The following EVI5 variants were observed in gnomAD, a reference collection of about 807,000 sequenced individuals.
EVI5 encodes the protein ecotropic viral integration site 5 protein homolog.
Under a neutral mutation model 112.0 loss-of-function variants are expected in EVI5, and 73 were observed. The observed-to-expected ratio is 0.65, with a 90% confidence interval of 0.54 to 0.79. The LOEUF (loss-of-function observed/expected upper bound fraction) is 0.79. EVI5 is among the 30% of genes least tolerant of loss of function. The pLI, the probability that EVI5 is intolerant of heterozygous loss-of-function variation, is 0.00. For missense variants in EVI5, 900 were observed against 968.8 expected (o/e 0.93, Z 0.94); for synonymous variants, 305 against 319.9 (o/e 0.95, Z 0.50).
intron 1 of EVI5, among the ~76,000 whole-genome samples, chr1:92,770,636 A>C (rs2103038495): frequency 6.6e-6 from 1 of 151,902 alleles, no homozygotes; most frequent in East Asian, 2.0e-4. Flanking sequence ...TAAAAATACC[A>C]AAAATTAGCC....
At chr1:92,720,587 A>G (rs868501227) in intron 2 of EVI5, among the ~76,000 whole-genome samples, 10 of 152,214 alleles carry the variant, frequency 6.6e-5, no homozygotes, top group South Asian at 2.1e-4. Flanking sequence ...AGAAAACCTA[A>G]GCAATACCAT....
chr1:92,781,927 C>G (rs1254784159), intron 1 of EVI5, among the ~76,000 whole-genome samples: 2 of 125,014 alleles, frequency 1.6e-5, no homozygotes, highest in Non-Finnish European at 3.1e-5. Context: ...TGCACTCCAA[C>G]CTGGGCAACA....
intron 9 of EVI5, among the ~76,000 whole-genome samples, chr1:92,688,907 T>C (rs933537738): frequency 2.6e-5 from 4 of 152,176 alleles, no homozygotes; most frequent in Non-Finnish European, 5.9e-5. Context: ...TTATTATATA[T>C]TCCAAAACTG....
chr1:92,594,360 C>T (rs1014807286), intron 18 of EVI5, among the ~76,000 whole-genome samples: 1 of 151,656 alleles, frequency 6.6e-6, no homozygotes, highest in Non-Finnish European at 1.5e-5. Flanking sequence ...ACTGGCTAGC[C>T]ATATGTAGAA....
In EVI5 at chr1:92,733,572, AT is replaced by A. The variant is rs952814250; in HGVS notation, c.149+2825del. ...AGGCACGCGCCACCACACCCAGCTA[AT>A]TTTTTTTTTTTTAATTTTAGTAAAG... On this transcript the variant is annotated intron_variant, in intron 2 of 19. Coordinates refer to ENST00000684568, the MANE Select transcript of EVI5 (RefSeq NM_001350197.2). 2.8e-3 allele frequency among the ~76,000 whole-genome samples: 403 copies of A among 145,422 alleles called. 1 individual carries two copies. Among genetic ancestry groups the A allele is most frequent in the South Asian group, 0.019 (85 of 4,570 alleles).
intron 1 of EVI5, among the ~76,000 whole-genome samples, chr1:92,781,541 A>G (rs890344582): frequency 6.6e-6 from 1 of 152,142 alleles, no homozygotes. Context: ...AAATTGCTAT[A>G]AGACAACACA....
intron 18 of EVI5, among the ~76,000 whole-genome samples, chr1:92,599,991 T>C (rs1040571487): frequency 6.6e-6 from 1 of 152,146 alleles, no homozygotes; most frequent in African/African-American, 2.4e-5. Flanking sequence ...GAGCTGAAGC[T>C]GGAGAAAAGG....
intron 1 of EVI5, among the ~76,000 whole-genome samples, chr1:92,757,707 G>C (rs1490731492): frequency 6.6e-6 from 1 of 151,684 alleles, no homozygotes; most frequent in Non-Finnish European, 1.5e-5. Context: ...TTTGAGACCA[G>C]CCTGGCCAAC....
At chr1:92,613,943 T>C (rs949762407) in intron 16 of EVI5, among the ~76,000 whole-genome samples, 2 of 152,202 alleles carry the variant, frequency 1.3e-5, no homozygotes, top group Non-Finnish European at 2.9e-5. Context: ...CCTCCAACTC[T>C]TCTGTAATAA....
At chr1:92,556,150 G>A (rs1485047656) in intron 19 of EVI5, among the ~76,000 whole-genome samples, 3 of 148,292 alleles carry the variant, frequency 2.0e-5, no homozygotes, top group South Asian at 2.1e-4. Context: ...TGCAACCTCC[G>A]CCTCCTGGGT....
chr1:92,706,393 C>T (rs1217391005), intron 2 of EVI5, among the ~76,000 whole-genome samples: 1 of 152,038 alleles, frequency 6.6e-6, no homozygotes, highest in Non-Finnish European at 1.5e-5. Context: ...ATTGTAAATG[C>T]AATAAAGAAA....
In EVI5 at chr1:92,587,371, C is replaced by T. The variant is rs186736284; in HGVS notation, c.2070+17936G>A. Among the ~76,000 whole-genome samples the T allele has an allele frequency of 1.5e-4, 19 of 122,948 alleles. No homozygotes were observed. The East Asian group carries it at 4.0e-3, about 26-fold the overall frequency. The allele number at this position is 122,948 out of a possible 152,430, so 80.7% of individuals were successfully genotyped here. A position where few individuals can be genotyped will look rare whatever the true frequency, so the allele number is the denominator to read the frequency against. ...AATTGCTCAAAACGAAAGCCATAAA[C>T]GATTGTGCTTCAGGGGCAAAAAAAA... On this transcript the variant is annotated intron_variant, in intron 18 of 19. Coordinates refer to ENST00000684568, the MANE Select transcript of EVI5 (RefSeq NM_001350197.2).
Position 92,624,197 on chromosome 1 carries a change from C to T in EVI5, c.1806G>A (p.Arg602=), listed in dbSNP as rs1655154258. ...TQAEIREIKQ[R]MMEMETQNQI... ...ATACCTGTGTTTCCATTTCCATCATCCTTTGTTTTATTTCTCTTATTTCTG... is the reference window on the plus strand; with the variant it reads ...ATACCTGTGTTTCCATTTCCATCATTCTTTGTTTTATTTCTCTTATTTCTG... Residue 602 remains arginine (R), a synonymous_variant, in exon 16 of 20, where the codon AGG becomes AGA. Coordinates refer to ENST00000684568, the MANE Select transcript of EVI5 (RefSeq NM_001350197.2). 1 of 1,613,620 alleles carries T rather than the reference C, an allele frequency of 6.2e-7. No individual in the cohort carries two copies. The highest frequency in any genetic ancestry group is 1.3e-5 in the African/African-American group (1 of 74,894).
chr1:92,599,468 TC>T (rs968544522), intron 18 of EVI5, among the ~76,000 whole-genome samples: 9 of 152,038 alleles, frequency 5.9e-5, no homozygotes, highest in African/African-American at 2.2e-4. Flanking sequence ...GAAAAAAGTT[TC>T]AGGTTTTAAT....
intron 2 of EVI5, among the ~76,000 whole-genome samples, chr1:92,729,356 T>C (rs929154209): frequency 6.6e-6 from 1 of 152,194 alleles, no homozygotes; most frequent in African/African-American, 2.4e-5. Flanking sequence ...CCTGGGTGTC[T>C]TGGAAAGTAT....
chr1:92,780,554 C>T (rs922993510), intron 1 of EVI5, among the ~76,000 whole-genome samples: 1 of 152,072 alleles, frequency 6.6e-6, no homozygotes, highest in Non-Finnish European at 1.5e-5. Context: ...GACAAATATA[C>T]AAATAGAACA....
chr1:92,714,211 G>A (rs1435719843), intron 2 of EVI5: 29 of 795,826 alleles, frequency 3.6e-5, no homozygotes, highest in Admixed American at 2.5e-4. Context: ...AGTAATAGCC[G>A]CAGTAAAACT....
intron 1 of EVI5, among the ~76,000 whole-genome samples, chr1:92,761,217 C>A (rs1192028631): frequency 6.6e-6 from 1 of 151,958 alleles, no homozygotes; most frequent in Non-Finnish European, 1.5e-5. Context: ...AAACCATACA[C>A]TAGGGGAAAT....
rs1659343768 is a variant in EVI5, at chr1:92,513,513, ATATATATATATATATATATAT to A, written c.*122_*142del. ...AAAAAGGCAGATAAGACTGTAAAATATATATATATATATATATATATATATATATATATATATATATATATA... is the reference window on the plus strand; with the variant it reads ...AAAAAGGCAGATAAGACTGTAAAATAATATATATATATATATATATATATA... On this transcript the variant is annotated 3_prime_UTR_variant, in exon 20 of 20. Coordinates refer to ENST00000684568, the MANE Select transcript of EVI5 (RefSeq NM_001350197.2). The A allele has an allele frequency of 4.3e-5, 1 of 23,254 alleles. No homozygotes were observed. Among genetic ancestry groups the A allele is most frequent in the Non-Finnish European group, 7.0e-5 (1 of 14,298 alleles). 1.4% of individuals were successfully genotyped at this position (23,254 alleles called of 1,614,324 possible). A position where few individuals can be genotyped will look rare whatever the true frequency, so the allele number is the denominator to read the frequency against.
Sources: allele counts gnomAD v4.1 joint callset (sites outside exome capture counted in the v4.1 genomes callset), GRCh38; gene constraint gnomAD v4.1.1; transcripts MANE v1.5; gene names NCBI Gene and HGNC (gene_info 2026-07-23, HGNC 2026-07-21).